The following KCNH8 variants were observed in gnomAD, a reference collection of about 807,000 sequenced individuals.
KCNH8 encodes the protein voltage-gated delayed rectifier potassium channel KCNH8.
KCNH8 carries 70 observed loss-of-function variants against 103.6 expected under a neutral mutation model. The ratio of observed to expected loss-of-function variants is 0.68; its 90% CI spans 0.56 to 0.82. The LOEUF (loss-of-function observed/expected upper bound fraction) is 0.82, where lower values mean the gene tolerates loss of function less well. Ranked by LOEUF, KCNH8 falls within the 40% of genes least tolerant of loss-of-function variation. The pLI is 0.00. For missense variants in KCNH8, 1,217 were observed against 1,329.9 expected (o/e 0.92, Z 1.32); for synonymous variants, 498 against 489.4 (o/e 1.02, Z -0.23).
rs28401172 is a variant in KCNH8, at chr3:19,335,437, G to A, written c.443-7150G>A. On this transcript the variant is annotated intron_variant, in intron 3 of 15. Coordinates refer to ENST00000328405, the MANE Select transcript of KCNH8 (RefSeq NM_144633.3). ...GTAGTATATGTGTGTGTATATATAT[G>A]TGTGTGTGTATATATATATGTGTGT... Among the ~76,000 whole-genome samples, 56 of 48,540 alleles carry A rather than the reference G, an allele frequency of 1.2e-3. 1 individual carries two copies. The highest frequency in any genetic ancestry group is 3.9e-3 in the Admixed American group (20 of 5,160). 31.8% of individuals were successfully genotyped at this position (48,540 alleles called of 152,430 possible). A position where few individuals can be genotyped will look rare whatever the true frequency, so the allele number is the denominator to read the frequency against.
chr3:19,324,295 G>A (rs370370681), intron 3 of KCNH8, among the ~76,000 whole-genome samples: 6 of 152,012 alleles, frequency 3.9e-5, no homozygotes, highest in Admixed American at 3.3e-4. Context: ...GGGAGGCCTC[G>A]GGAAACTTAC....
chr3:19,479,651 CA>C (rs1275155324), intron 11 of KCNH8, among the ~76,000 whole-genome samples: 3 of 152,114 alleles, frequency 2.0e-5, no homozygotes, highest in African/African-American at 7.2e-5. Context: ...GATGAGTCTA[CA>C]AGAGGAAGAA....
chr3:19,394,499 G>C (rs915185954), intron 6 of KCNH8, among the ~76,000 whole-genome samples: 3 of 151,962 alleles, frequency 2.0e-5, no homozygotes, highest in African/African-American at 7.2e-5. Flanking sequence ...GAGAGAGAGA[G>C]AGAGAGAGCG....
chr3:19,345,514 TAATA>T (rs1167881449), intron 4 of KCNH8, among the ~76,000 whole-genome samples: 1 of 152,002 alleles, frequency 6.6e-6, no homozygotes, highest in Non-Finnish European at 1.5e-5. Flanking sequence ...GCTTGAAGAT[TAATA>T]AATAAGATAA....
intron 5 of KCNH8, among the ~76,000 whole-genome samples, chr3:19,380,810 G>A (rs1224515895): frequency 6.6e-6 from 1 of 152,082 alleles, no homozygotes; most frequent in Non-Finnish European, 1.5e-5. Context: ...TGATCTTTTT[G>A]TGATTTTACT....
chr3:19,309,063 C>G (rs1197667603), intron 3 of KCNH8, among the ~76,000 whole-genome samples: 2 of 151,712 alleles, frequency 1.3e-5, no homozygotes, highest in Non-Finnish European at 1.5e-5. Context: ...AAGATTAAAA[C>G]TTTATACCAG....
chr3:19,451,333 T>C lies in KCNH8; in HGVS notation c.1754T>C (p.Leu585Ser). The change falls in exon 10 of 16, where the codon TTG (leucine) becomes TCG (serine). Residue 585 changes from leucine to serine, a missense_variant. Coordinates refer to ENST00000328405, the MANE Select transcript of KCNH8 (RefSeq NM_144633.3). ...GEYLLRQGDA[L>S]QAIYFVCSGS... ...TATCTGCTGCGTCAAGGGGATGCTTTGCAGGCCATCTACTTTGTATGCTCG... is the reference window on the plus strand; with the variant it reads ...TATCTGCTGCGTCAAGGGGATGCTTCGCAGGCCATCTACTTTGTATGCTCG... The C allele has an allele frequency of 6.2e-7, 1 of 1,613,874 alleles. No homozygotes were observed.
intron 15 of KCNH8, among the ~76,000 whole-genome samples, chr3:19,530,980 G>A (rs1189998743): frequency 6.6e-6 from 1 of 152,072 alleles, no homozygotes; most frequent in Non-Finnish European, 1.5e-5. Flanking sequence ...GATCCAATAG[G>A]GAAAGTGTAC....
At chr3:19,408,557 G>A (rs2066729351) in intron 7 of KCNH8, among the ~76,000 whole-genome samples, 1 of 151,978 alleles carries the variant, frequency 6.6e-6, no homozygotes, top group South Asian at 2.1e-4. Flanking sequence ...TCCAAAGTAT[G>A]GATTGCAAGG....
chr3:19,507,923 C>T (rs1379289250), intron 11 of KCNH8, among the ~76,000 whole-genome samples: 3 of 152,138 alleles, frequency 2.0e-5, no homozygotes, highest in Non-Finnish European at 4.4e-5. Flanking sequence ...TTACTATTTT[C>T]GGGTATATTC....
intron 1 of KCNH8, among the ~76,000 whole-genome samples, chr3:19,163,908 GA>G (rs1276220166): frequency 6.6e-6 from 1 of 151,970 alleles, no homozygotes; most frequent in Non-Finnish European, 1.5e-5. Context: ...TTTATTGTAA[GA>G]ATACAGTGTA....
intron 5 of KCNH8, among the ~76,000 whole-genome samples, chr3:19,357,210 TA>T (rs11349666): frequency 0.78 from 117,554 of 151,268 alleles, 46,381 homozygotes; most frequent in East Asian, 0.93. Flanking sequence ...TTTTCCCTGA[TA>T]AAAAAAAAGA....
chr3:19,456,748 A>T lies in KCNH8; in HGVS notation c.1826-20A>T, dbSNP rs1559336131. ...AGCTTGCTTTTTTTTTTTGAAAATGATCTCTCTCTCTCTTTCTAGGGAAAG... is the reference window on the plus strand; with the variant it reads ...AGCTTGCTTTTTTTTTTTGAAAATGTTCTCTCTCTCTCTTTCTAGGGAAAG... On this transcript the variant is annotated intron_variant, in intron 10 of 15. Coordinates refer to ENST00000328405, the MANE Select transcript of KCNH8 (RefSeq NM_144633.3). The T allele has an allele frequency of 2.7e-6, 4 of 1,467,114 alleles. No homozygotes were observed. Among genetic ancestry groups the T allele is most frequent in the Non-Finnish European group, 3.8e-6 (4 of 1,061,072 alleles). The allele number at this position is 1,467,114 out of a possible 1,614,324, so 90.9% of individuals were successfully genotyped here.
intron 2 of KCNH8, among the ~76,000 whole-genome samples, chr3:19,262,658 G>T (rs1191653559): frequency 2.6e-5 from 4 of 152,010 alleles, no homozygotes; most frequent in African/African-American, 4.8e-5. Flanking sequence ...ACAACAGCAA[G>T]AATGTACTTT....
At chr3:19,499,939 A>C (rs1575145950) in intron 11 of KCNH8, among the ~76,000 whole-genome samples, 1 of 152,176 alleles carries the variant, frequency 6.6e-6, no homozygotes, top group East Asian at 1.9e-4. Flanking sequence ...ACACATAACA[A>C]TATTAACTTT....
intron 7 of KCNH8, among the ~76,000 whole-genome samples, chr3:19,419,335 G>C (rs1485147683): frequency 1.3e-5 from 2 of 151,132 alleles, no homozygotes; most frequent in African/African-American, 4.9e-5. Flanking sequence ...GAGTAGCTGG[G>C]ACTACAGGCG....
rs370421204 is a variant in KCNH8 at position 19,364,269 on chromosome 3, G to A, written c.811+16304G>A. On this transcript the variant is annotated intron_variant, in intron 5 of 15. Transcript: ENST00000328405. The stretch of plus-strand genomic sequence containing the variant: ...CACAAAGCCTTAAGCGTGTTGAGGA[G>A]ACTCCTTCCAGTTATTCTGTTTAGC... Among the ~76,000 whole-genome samples the A allele has an allele frequency of 4.3e-4, 66 of 152,202 alleles. 1 individual carries two copies. In the South Asian group the frequency reaches 0.013, roughly 31 times the overall value.
intron 1 of KCNH8, among the ~76,000 whole-genome samples, chr3:19,209,729 T>C (rs1474456503): frequency 2.6e-5 from 4 of 152,074 alleles, no homozygotes; most frequent in Non-Finnish European, 1.5e-5. Context: ...GTATTGTCAA[T>C]GGTAGCATGA....
rs201199269 is a variant in KCNH8, at chr3:19,186,287, T to TAA, written c.76+37507_76+37508dup. ...ATGGAATGCTCCTCTTTAAAAAATGTAAAAAAAAAAAAAAAAGAAAAAAAA... is the reference window on the plus strand; with the variant it reads ...ATGGAATGCTCCTCTTTAAAAAATGTAAAAAAAAAAAAAAAAAAGAAAAAAAA... On this transcript the variant is annotated intron_variant, in intron 1 of 15. Coordinates refer to ENST00000328405, the MANE Select transcript of KCNH8 (RefSeq NM_144633.3). 5.6e-3 allele frequency among the ~76,000 whole-genome samples: 599 copies of TAA among 106,454 alleles called. 5 individuals carry two copies. Among genetic ancestry groups the TAA allele is most frequent in the Middle Eastern group, 0.02 (4 of 204 alleles). The allele number at this position is 106,454 out of a possible 152,430, so 69.8% of individuals were successfully genotyped here. A position where few individuals can be genotyped will look rare whatever the true frequency, so the allele number is the denominator to read the frequency against.
Sources: gnomAD v4.1 joint callset for allele counts (sites outside exome capture counted in the v4.1 genomes callset) on GRCh38, gnomAD v4.1.1 for gene constraint, MANE v1.5 for transcripts, NCBI Gene and HGNC (gene_info 2026-07-23, HGNC 2026-07-21) for gene names.